The following PDC variants were observed in gnomAD, a reference collection of about 807,000 sequenced individuals.
PDC encodes 33 kDa phototransducing protein.
A neutral mutation model predicts 22.2 loss-of-function variants in PDC; 19 were observed. The observed-to-expected ratio is 0.86, with a 90% CI of 0.60 to 1.26. The LOEUF is 1.26. PDC is among the 50% of genes most tolerant of loss of function. PDC has a pLI of 0.00. For missense variants in PDC, 274 were observed against 286.8 expected (o/e 0.96, Z 0.32); for synonymous variants, 97 against 96.2 (o/e 1.01, Z -0.05).
At position 186,455,652 on chromosome 1, in the gene PDC, A is replaced by G. The variant is rs201552513; in HGVS notation, c.-25+5407T>C. Among the ~76,000 whole-genome samples, 30 of 151,934 alleles carry G rather than the reference A, an allele frequency of 2.0e-4. No homozygotes were observed. In the East Asian group the frequency reaches 5.8e-3, roughly 30 times the overall value. On this transcript the variant is annotated intron_variant, in intron 1 of 3. Coordinates refer to ENST00000391997, the MANE Select transcript of PDC (RefSeq NM_002597.5). ...TGGACCCCCAATCCTGGGATGCCAC[A>G]GAAGAGCCCACAAAAATATAGGCCA... is the stretch of plus-strand genomic sequence containing the variant.
At chr1:186,450,493 C>T (rs998492203) in intron 1 of PDC, among the ~76,000 whole-genome samples, 4 of 151,920 alleles carry the variant, frequency 2.6e-5, no homozygotes, top group Non-Finnish European at 4.4e-5. Flanking sequence ...TGTGTGTTTG[C>T]GCCACCACGC....
chr1:186,449,544 A>G (rs1662307180), intron 1 of PDC, 61 bp from the exon 2 acceptor site: 1 of 800,226 alleles, frequency 1.2e-6, no homozygotes, highest in Non-Finnish European at 2.1e-6. Flanking sequence ...ATACATATAT[A>G]TAGAGATAAA....
intron 3 of PDC, 94 bp downstream of exon 3, chr1:186,446,332 T>A (rs1168547272): frequency 2.0e-5 from 19 of 945,818 alleles, no homozygotes; most frequent in Admixed American, 2.8e-5. Flanking sequence ...TTGTAATGAA[T>A]ATATTTTGTA....
At chr1:186,446,709 G>A (rs1571720625) in intron 2 of PDC, 132 bp from the exon 3 acceptor site, 3 of 508,652 alleles carry the variant, frequency 5.9e-6, no homozygotes, top group South Asian at 7.7e-5. Flanking sequence ...CATCTTGTTT[G>A]GACTAGAAAT....
chr1:186,455,997 ATATATATATATATAT>A (rs1662462044), intron 1 of PDC, among the ~76,000 whole-genome samples: 2 of 67,672 alleles, frequency 3.0e-5, no homozygotes, highest in African/African-American at 1.4e-4. Context: ...AAAAAAAAAT[ATATATATATATATAT>A]ATATATATAT....
At chr1:186,457,508 A>C (rs1662494108) in intron 1 of PDC, among the ~76,000 whole-genome samples, 1 of 152,174 alleles carries the variant, frequency 6.6e-6, no homozygotes, top group Non-Finnish European at 1.5e-5. Context: ...GATTTTGCGG[A>C]TCATAAGTGA....
At position 186,444,070 on chromosome 1, in the gene PDC, A is replaced by T. The variant is rs777717274; in HGVS notation, c.650T>A (p.Val217Glu). The change falls in exon 4 of 4, where the codon GTG (valine) becomes GAG (glutamate). Residue 217 changes from valine to glutamate, a missense_variant. Physicochemically the swap from Val to Glu is moderately radical, Grantham distance 121. Coordinates refer to ENST00000391997, the MANE Select transcript of PDC (RefSeq NM_002597.5). The part of the protein sequence containing the change: ...QFAEEFFAGD[V>E]ESFLNEYGLL... ...CCCATATTCATTTAGGAAAGACTCC[A>T]CATCCCCAGCAAAAAATTCTTCAGC... is the stretch of plus-strand genomic sequence containing the variant. The T allele has an allele frequency of 1.4e-5, 22 of 1,613,538 alleles. No individual in the cohort carries two copies. Among genetic ancestry groups the T allele is most frequent in the Non-Finnish European group, 1.7e-5 (20 of 1,179,584 alleles).
chr1:186,455,334 A>AT (rs1662434919), intron 1 of PDC, among the ~76,000 whole-genome samples: 1 of 152,084 alleles, frequency 6.6e-6, no homozygotes, highest in South Asian at 2.1e-4. Context: ...CAAAGCCCCT[A>AT]TTTCTAAATA....
chr1:186,444,449 G>A lies in PDC; in HGVS notation c.271C>T (p.Arg91Cys), dbSNP rs376556470. Reference sequence around the variant, plus strand: ...TGCATACACTGTCTACGGTATTTACGAAGGCAGTTTTCATCCTCTTTCTCT... The same window carrying A: ...TGCATACACTGTCTACGGTATTTACAAAGGCAGTTTTCATCCTCTTTCTCT... ...HKEKEDENCL[R>C]KYRRQCMQDM... is the part of the protein sequence containing the mutation. Residue 91 changes from arginine to cysteine, a missense_variant, in exon 4 of 4, where the codon CGT becomes TGT. Coordinates refer to ENST00000391997, the MANE Select transcript of PDC (RefSeq NM_002597.5). 1.0e-4 allele frequency: 169 copies of A among 1,611,606 alleles called. No homozygotes were observed. The highest frequency in any genetic ancestry group is 1.3e-4 in the Non-Finnish European group (153 of 1,178,002).
intron 2 of PDC, among the ~76,000 whole-genome samples, chr1:186,447,380 C>T (rs938810842): frequency 2.6e-5 from 4 of 152,056 alleles, no homozygotes; most frequent in African/African-American, 9.7e-5. Flanking sequence ...AACTGCTGAC[C>T]TCAAGTAATC....
intron 1 of PDC, among the ~76,000 whole-genome samples, chr1:186,458,897 C>T (rs1033936775): frequency 1.3e-5 from 2 of 152,154 alleles, no homozygotes; most frequent in Non-Finnish European, 2.9e-5. Flanking sequence ...CGCGGTGGCT[C>T]ACGCCTGTAA....
intron 1 of PDC, among the ~76,000 whole-genome samples, chr1:186,458,184 A>T (rs1558133306): frequency 6.6e-6 from 1 of 150,480 alleles, no homozygotes; most frequent in Admixed American, 6.6e-5. Flanking sequence ...TAGTGAAAAG[A>T]CATCCACCTA....
At chr1:186,460,824 G>T (rs1403420156) in intron 1 of PDC, among the ~76,000 whole-genome samples, 2 of 151,188 alleles carry the variant, frequency 1.3e-5, no homozygotes, top group African/African-American at 4.9e-5. Context: ...AGAATATCAG[G>T]CTCAAAATTG....
chr1:186,450,016 C>T (rs1005681590), intron 1 of PDC, among the ~76,000 whole-genome samples: 2 of 151,994 alleles, frequency 1.3e-5, no homozygotes, highest in Non-Finnish European at 2.9e-5. Context: ...ATGTTGTAAC[C>T]GAGGAAGCTG....
chr1:186,457,159 A>G (rs994304031), intron 1 of PDC, among the ~76,000 whole-genome samples: 3 of 152,234 alleles, frequency 2.0e-5, no homozygotes, highest in Non-Finnish European at 2.9e-5. Context: ...ATGCTCACCA[A>G]TACAGACACA....
chr1:186,453,157 A>G (rs1223578261), intron 1 of PDC, among the ~76,000 whole-genome samples: 3 of 152,174 alleles, frequency 2.0e-5, no homozygotes, highest in African/African-American at 7.2e-5. Flanking sequence ...ATAGTACTTT[A>G]TATAGGATAA....
chr1:186,449,437 CTT>C lies in PDC; in HGVS notation c.21_22del (p.Ser8PhefsTer6). 6.2e-7 allele frequency: 1 copy of C among 1,607,506 alleles called. No individual in the cohort carries two copies. The highest frequency in any genetic ancestry group is 1.1e-5 in the South Asian group (1 of 90,248). ...CTGTCCTTCAAAGTCTTCCTCCAAA[CTT>C]TGGCTTTTGGCTTCTTCCATTTTAG... is the stretch of plus-strand genomic sequence containing the variant. On this transcript the variant is annotated frameshift_variant, in exon 2 of 4. Coordinates refer to ENST00000391997, the MANE Select transcript of PDC (RefSeq NM_002597.5). LOFTEE classifies it high-confidence loss of function.
At chr1:186,446,703 T>C in intron 2 of PDC, 126 bp from the exon 3 acceptor site, 1 of 518,046 alleles carries the variant, frequency 1.9e-6, no homozygotes, top group South Asian at 3.7e-5. Context: ...AACAAACATC[T>C]TGTTTGGACT....
At chr1:186,449,551 T>A in intron 1 of PDC, 68 bp from the exon 2 acceptor site, 5 of 725,828 alleles carry the variant, frequency 6.9e-6, no homozygotes, top group African/African-American at 1.8e-5. Context: ...TATATAGAGA[T>A]AAATATATAG....
Sources: gnomAD v4.1 joint callset for allele counts (sites outside exome capture counted in the v4.1 genomes callset) on GRCh38, gnomAD v4.1.1 for gene constraint, MANE v1.5 for transcripts, NCBI Gene and HGNC (gene_info 2026-07-23, HGNC 2026-07-21) for gene names.